Variants in SCARA5 observed in about 807,000 individuals in gnomAD.
SCARA5 encodes scavenger receptor class A member 5.
A neutral mutation model predicts 46.3 loss-of-function variants in SCARA5; 45 were observed. The observed-to-expected ratio is 0.97, with a 90% CI of 0.76 to 1.24. SCARA5 has a LOEUF of 1.24. SCARA5 is among the 50% of genes most tolerant of loss of function. SCARA5 has a pLI of 0.00. For synonymous variants in SCARA5, 333 were observed against 306.5 expected, an observed-to-expected ratio of 1.09 and a Z score of -0.90; for missense variants, 680 against 689.0, an observed-to-expected ratio of 0.99 and a Z score of 0.15.
chr8:27,953,538 C>T (rs1054711540), intron 3 of SCARA5, among the ~76,000 whole-genome samples: 12 of 152,214 alleles, frequency 7.9e-5, no homozygotes, highest in Non-Finnish European at 1.8e-4. Flanking sequence ...AGGGAGGCTG[C>T]GATGAGAGGG....
intron 4 of SCARA5, among the ~76,000 whole-genome samples, chr8:27,917,807 C>T (rs1807486504): frequency 1.3e-5 from 2 of 152,172 alleles, no homozygotes; most frequent in Non-Finnish European, 2.9e-5. Flanking sequence ...ACACTAATCC[C>T]TGCTAGGGGC....
intron 8 of SCARA5, 69 bp from the exon 9 acceptor site, chr8:27,872,139 A>G: frequency 6.4e-7 from 1 of 1,554,444 alleles, no homozygotes; most frequent in Non-Finnish European, 8.8e-7. Context: ...AGAGAGCATA[A>G]CTGTGCCTGC....
chr8:27,951,728 T>C (rs1409636744), intron 3 of SCARA5, among the ~76,000 whole-genome samples: 1 of 152,240 alleles, frequency 6.6e-6, no homozygotes, highest in African/African-American at 2.4e-5. Context: ...CTCTTCCTCA[T>C]GCAGGGGAGG....
intron 1 of SCARA5, among the ~76,000 whole-genome samples, chr8:27,989,129 CTTTTTTTTTTTTT>C (rs34929623): frequency 1.5e-5 from 1 of 68,312 alleles, no homozygotes; most frequent in African/African-American, 6.2e-5. Flanking sequence ...TTCTTTCTTT[CTTTTTTTTTTTTT>C]TTTTTTTTTT....
At chr8:27,975,248 G>A (rs965792100) in intron 2 of SCARA5, among the ~76,000 whole-genome samples, 3 of 152,188 alleles carry the variant, frequency 2.0e-5, no homozygotes, top group East Asian at 3.8e-4. Flanking sequence ...GAACAGCTGG[G>A]GAAGGCATGG....
At chr8:27,971,127 G>A (rs966130274) in intron 2 of SCARA5, among the ~76,000 whole-genome samples, 2 of 152,244 alleles carry the variant, frequency 1.3e-5, no homozygotes, top group African/African-American at 4.8e-5. Flanking sequence ...TATTTGTTGA[G>A]AGATTAAGAT....
chr8:27,984,091 C>T (rs1459382572), intron 2 of SCARA5, among the ~76,000 whole-genome samples: 1 of 152,148 alleles, frequency 6.6e-6, no homozygotes, highest in East Asian at 1.9e-4. Flanking sequence ...CTCTTCCCAA[C>T]TTCCCCCTCC....
intron 7 of SCARA5, among the ~76,000 whole-genome samples, chr8:27,884,457 C>A (rs1163572904): frequency 6.6e-6 from 1 of 152,370 alleles, no homozygotes; most frequent in African/African-American, 2.4e-5. Flanking sequence ...GCTGTCAGCC[C>A]TGGTTTCTCA....
chr8:27,961,056 C>T (rs1014977252), intron 3 of SCARA5, among the ~76,000 whole-genome samples: 1 of 152,162 alleles, frequency 6.6e-6, no homozygotes, highest in Non-Finnish European at 1.5e-5. Flanking sequence ...GGGCTAAACC[C>T]TAGGTTATGC....
At chr8:27,951,542 G>A (rs1808127829) in intron 3 of SCARA5, among the ~76,000 whole-genome samples, 1 of 152,244 alleles carries the variant, frequency 6.6e-6, no homozygotes, top group South Asian at 2.1e-4. Context: ...AGGTCACACA[G>A]CTTGTGGCAG....
intron 2 of SCARA5, among the ~76,000 whole-genome samples, chr8:27,976,226 G>A (rs1808522081): frequency 6.6e-6 from 1 of 152,118 alleles, no homozygotes. Context: ...AGCCCCCCAG[G>A]AAGAACAAGA....
chr8:27,923,342 C>T (rs1807630628), intron 3 of SCARA5, among the ~76,000 whole-genome samples: 1 of 152,210 alleles, frequency 6.6e-6, no homozygotes, highest in African/African-American at 2.4e-5. Flanking sequence ...GTTCTCACGA[C>T]TTCTGATAAG....
At chr8:27,893,908 T>A (rs1438537577) in intron 7 of SCARA5, among the ~76,000 whole-genome samples, 2 of 152,238 alleles carry the variant, frequency 1.3e-5, no homozygotes, top group East Asian at 3.8e-4. Context: ...TAGTGGCCAG[T>A]GGCTGCCATC....
At chr8:27,890,837 C>T (rs974109690) in intron 7 of SCARA5, among the ~76,000 whole-genome samples, 1 of 152,222 alleles carries the variant, frequency 6.6e-6, no homozygotes, top group African/African-American at 2.4e-5. Context: ...AAACATGTAT[C>T]GATCTAGCCT....
At chr8:27,920,543 G>A (rs1441896659) in intron 4 of SCARA5, among the ~76,000 whole-genome samples, 1 of 151,818 alleles carries the variant, frequency 6.6e-6, no homozygotes, top group Non-Finnish European at 1.5e-5. Flanking sequence ...GAACCTGGGA[G>A]GTGGAGGTTG....
chr8:27,973,203 G>A (rs4445180), intron 2 of SCARA5, among the ~76,000 whole-genome samples: 117,707 of 152,156 alleles, frequency 0.77, 45,810 homozygotes, highest in East Asian at 0.99. Flanking sequence ...GGGGCCGGGT[G>A]TAGTGGCTCA....
intron 3 of SCARA5, among the ~76,000 whole-genome samples, chr8:27,962,340 C>T (rs758842762): frequency 1.4e-3 from 214 of 152,274 alleles, no homozygotes; most frequent in Non-Finnish European, 2.4e-3. Context: ...ACAAATTCCT[C>T]GAGGAACACA....
chr8:27,986,636 C>T (rs889604488), intron 2 of SCARA5, among the ~76,000 whole-genome samples: 9 of 151,404 alleles, frequency 5.9e-5, no homozygotes, highest in East Asian at 2.0e-4. Flanking sequence ...TAAGCCACCA[C>T]GGTTCTTTCC....
At chr8:27,904,430 A>G in intron 7 of SCARA5, 1 of 460,526 alleles carries the variant, frequency 2.2e-6, no homozygotes, top group Non-Finnish European at 3.8e-6. Flanking sequence ...TTCAATTTTC[A>G]CAATGACCTT....
Sources: allele counts gnomAD v4.1 joint callset (sites outside exome capture counted in the v4.1 genomes callset), GRCh38; gene constraint gnomAD v4.1.1; transcripts MANE v1.5; gene names NCBI Gene and HGNC (gene_info 2026-07-23, HGNC 2026-07-21).